NCKAP5: variants seen among roughly 807,000 people sequenced by gnomAD.
The protein encoded by NCKAP5 is NCK associated protein 5, also known as nck-associated protein 5.
Under a neutral mutation model 167.0 loss-of-function variants are expected in NCKAP5, and 92 were observed. That is an observed-to-expected ratio of 0.55 (90% CI 0.47 to 0.66). NCKAP5 has a LOEUF of 0.66. Ranked by LOEUF, NCKAP5 falls within the 30% of genes least tolerant of loss-of-function variation. NCKAP5 has a pLI of 0.00. For missense variants in NCKAP5, 2,378 were observed against 2,315.0 expected, an observed-to-expected ratio of 1.03 and a Z score of -0.56; for synonymous variants, 891 against 877.4, an observed-to-expected ratio of 1.02 and a Z score of -0.27.
intron 3 of NCKAP5, among the ~76,000 whole-genome samples, chr2:133,439,846 C>G (rs1413106038): frequency 6.6e-6 from 1 of 152,122 alleles, no homozygotes; most frequent in African/African-American, 2.4e-5. Context: ...GTTTTATGGA[C>G]TAATAATTGT....
chr2:133,297,022 A>G (rs761183013), intron 4 of NCKAP5, among the ~76,000 whole-genome samples: 10 of 152,180 alleles, frequency 6.6e-5, no homozygotes, highest in Non-Finnish European at 8.8e-5. Flanking sequence ...TTCTTGTCAC[A>G]AATATATTTA....
At chr2:133,333,322 C>T (rs1682990928) in intron 3 of NCKAP5, among the ~76,000 whole-genome samples, 1 of 152,136 alleles carries the variant, frequency 6.6e-6, no homozygotes, top group Admixed American at 6.5e-5. Flanking sequence ...CTGAAGAGGT[C>T]ATTAGTCAGC....
chr2:132,933,123 C>T (rs1261835763), intron 8 of NCKAP5, among the ~76,000 whole-genome samples: 3 of 152,040 alleles, frequency 2.0e-5, no homozygotes, highest in Non-Finnish European at 2.9e-5. Flanking sequence ...GACGGGGTTT[C>T]ACCGTGTTAG....
intron 4 of NCKAP5, among the ~76,000 whole-genome samples, chr2:133,297,205 G>GTA (rs1350004909): frequency 1.5e-4 from 22 of 143,896 alleles, no homozygotes; most frequent in African/African-American, 5.4e-4. Context: ...GTGTGTGTGT[G>GTA]TGTGTTTTAA....
At chr2:133,258,749 T>TA (rs1222395264) in intron 4 of NCKAP5, among the ~76,000 whole-genome samples, 4,308 of 140,360 alleles carry the variant, frequency 0.031, 179 homozygotes, top group African/African-American at 0.1. Context: ...CTGTCTCAAT[T>TA]AAAAAAAAAA....
intron 4 of NCKAP5, among the ~76,000 whole-genome samples, chr2:133,223,842 C>A (rs989937774): frequency 1.3e-5 from 2 of 152,266 alleles, no homozygotes; most frequent in Non-Finnish European, 1.5e-5. Context: ...AACTCACCAA[C>A]ATTGGAAAAG....
chr2:132,783,828 T>G lies in NCKAP5; in HGVS notation c.2983A>C (p.Lys995Gln). ...GGCTTTTTGAAGGCCACAGAAGGTTTCTTCCTCTGCACTTCTGTCGTGGCC... is the reference window on the plus strand; with the variant it reads ...GGCTTTTTGAAGGCCACAGAAGGTTGCTTCCTCTGCACTTCTGTCGTGGCC... Reference protein sequence around the residue: ...NPATTEVQRKKPSVAFKKPIF... With the variant: ...NPATTEVQRKQPSVAFKKPIF... Residue 995 changes from lysine (K) to glutamine (Q), a missense_variant, in exon 14 of 20, where the codon AAA becomes CAA. Lys to Gln is a moderately conservative substitution (Grantham distance 53). This residue lies in a region of NCKAP5 where 1,325 missense variants were observed against 1,274.5 expected (regional missense o/e 1.04). Coordinates refer to ENST00000409261, the MANE Select transcript of NCKAP5 (RefSeq NM_207363.3). 2 of 1,533,366 alleles carry G rather than the reference T, an allele frequency of 1.3e-6. No individual in the cohort carries two copies. The highest frequency in any genetic ancestry group is 1.8e-6 in the Non-Finnish European group (2 of 1,142,180). 95.0% of individuals were successfully genotyped at this position (1,533,366 alleles called of 1,614,324 possible).
At chr2:133,251,939 G>A (rs1247692265) in intron 4 of NCKAP5, among the ~76,000 whole-genome samples, 1 of 152,178 alleles carries the variant, frequency 6.6e-6, no homozygotes, top group African/African-American at 2.4e-5. Flanking sequence ...GAGGCCAGAG[G>A]CCCTGAAACT....
chr2:133,182,425 G>T (rs1451680469), intron 5 of NCKAP5, among the ~76,000 whole-genome samples: 1 of 152,158 alleles, frequency 6.6e-6, no homozygotes, highest in Non-Finnish European at 1.5e-5. Flanking sequence ...AAATCATACG[G>T]ACTGTGTTCT....
the NCKAP5 span, among the ~76,000 whole-genome samples, chr2:133,615,747 C>T: frequency 8.6e-3 from 1,304 of 152,230 alleles, 14 homozygotes; most frequent in African/African-American, 0.029. Context: ...ATCATCGAGA[C>T]AGAAAGTCAA....
intron 6 of NCKAP5, among the ~76,000 whole-genome samples, chr2:133,091,868 C>T (rs1406446093): frequency 6.6e-6 from 1 of 152,122 alleles, no homozygotes. Context: ...GCCTGGGTGA[C>T]AAAGTGAGAC....
At chr2:133,590,523 C>CAAAAAA in the NCKAP5 span, among the ~76,000 whole-genome samples, 6 of 89,698 alleles carry the variant, frequency 6.7e-5, no homozygotes, top group African/African-American at 9.3e-5. Context: ...GACTCTGTCT[C>CAAAAAA]AAAAAAAAAA....
At chr2:133,027,353 T>C (rs2078732731) in intron 6 of NCKAP5, among the ~76,000 whole-genome samples, 2 of 152,220 alleles carry the variant, frequency 1.3e-5, no homozygotes, top group South Asian at 4.1e-4. Flanking sequence ...AACAATTTAT[T>C]GGTACCTATA....
chr2:132,766,278 C>CAAAA (rs70973405), intron 16 of NCKAP5, among the ~76,000 whole-genome samples: 24 of 38,414 alleles, frequency 6.2e-4, no homozygotes, highest in African/African-American at 1.5e-3. Context: ...GATTCTGTCT[C>CAAAA]AAAAAAAAAA....
rs904235322 is a variant in NCKAP5, at chr2:133,347,510, G to T, written c.70-44400C>A. On this transcript the variant is annotated intron_variant, in intron 3 of 19. Coordinates refer to ENST00000409261, the MANE Select transcript of NCKAP5 (RefSeq NM_207363.3). ...GGAGGCTGTGGTGAGCCAAGATTAT[G>T]CCATTGCATTCTAGCCTGGGCAACA... Among the ~76,000 whole-genome samples the T allele has an allele frequency of 2.0e-5, 3 of 152,096 alleles. No homozygotes were observed. The East Asian group carries it at 5.8e-4, about 29-fold the overall frequency.
chr2:133,526,009 G>A (rs571067391), intron 2 of NCKAP5, among the ~76,000 whole-genome samples: 2 of 152,026 alleles, frequency 1.3e-5, no homozygotes, highest in Admixed American at 1.3e-4. Flanking sequence ...TTAAAATACC[G>A]GAGTAGATAC....
chr2:133,415,152 C>G (rs1278869053), intron 3 of NCKAP5, among the ~76,000 whole-genome samples: 4 of 152,218 alleles, frequency 2.6e-5, no homozygotes, highest in Non-Finnish European at 4.4e-5. Context: ...TCAGTTCACA[C>G]TGGCCGAAAT....
intron 4 of NCKAP5, among the ~76,000 whole-genome samples, chr2:133,272,299 A>T (rs1199778665): frequency 6.6e-6 from 1 of 152,114 alleles, no homozygotes; most frequent in Non-Finnish European, 1.5e-5. Context: ...TCAATACAGG[A>T]TCAATAAAAC....
intron 5 of NCKAP5, among the ~76,000 whole-genome samples, chr2:133,173,970 C>T (rs986572196): frequency 2.0e-5 from 3 of 149,228 alleles, no homozygotes; most frequent in Non-Finnish European, 3.0e-5. Flanking sequence ...TAGAAAAATA[C>T]ATACGCTTTT....
Sources: allele counts gnomAD v4.1 joint callset (sites outside exome capture counted in the v4.1 genomes callset), GRCh38; gene constraint gnomAD v4.1.1; regional missense constraint gnomAD v4.1.1; transcripts MANE v1.5; gene names NCBI Gene and HGNC (gene_info 2026-07-23, HGNC 2026-07-21).